The following F2RL2 variants were observed in gnomAD, a reference collection of about 807,000 sequenced individuals.
F2RL2 encodes coagulation factor II thrombin receptor like 2, also known as proteinase-activated receptor 3.
Under a neutral mutation model 4.3 loss-of-function variants are expected in F2RL2, and 4 were observed. That is an observed-to-expected ratio of 0.93 (90% CI 0.46 to 2.12). F2RL2 has a LOEUF of 2.12. Among genes scored for constraint, F2RL2 ranks in the 30% most tolerant of loss-of-function variants. The pLI, the probability that F2RL2 is intolerant of heterozygous loss-of-function variation, is 0.02. For missense variants in F2RL2, 408 were observed against 449.3 expected (o/e 0.91, Z 0.83); for synonymous variants, 166 against 170.9 (o/e 0.97, Z 0.22).
rs1320686134 is a variant in F2RL2, at chr5:76,615,811, A to G, written c.*1771T>C. 3.3e-5 allele frequency: 5 copies of G among 152,626 alleles called. No individual in the cohort carries two copies. The allele number at this position is 152,626 out of a possible 1,614,324, so 9.5% of individuals were successfully genotyped here. On this transcript the variant is annotated 3_prime_UTR_variant, in exon 2 of 2. Coordinates refer to ENST00000296641, the MANE Select transcript of F2RL2 (RefSeq NM_004101.4). ...CATTAAAAGCTATGTCTAAGAAAAAAAATAGTGGAGGCATTATTTAAAACT... is the reference window on the plus strand; with the variant it reads ...CATTAAAAGCTATGTCTAAGAAAAAGAATAGTGGAGGCATTATTTAAAACT...
chr5:76,620,926 T>G, intron 1 of F2RL2, among the ~76,000 whole-genome samples: 1 of 152,228 alleles, frequency 6.6e-6, no homozygotes, highest in Non-Finnish European at 1.5e-5. Flanking sequence ...AAACAAAATC[T>G]TAAAGCTCAA....
Position 76,617,601 on chromosome 5 carries a change from G to A in F2RL2, c.1106C>T (p.Thr369Ile), listed in dbSNP as rs1749109316. Reference protein sequence around the residue: ...FLMSKTRNHSTAYLTK With the variant: ...FLMSKTRNHSIAYLTK ...ATTTCACTATTTTGTAAGGTAAGCA[G>A]TGGAGTGATTTCTGGTTTTTGACAT... is the stretch of plus-strand genomic sequence containing the variant. Residue 369 changes from threonine to isoleucine, a missense_variant, in exon 2 of 2, where the codon ACT becomes ATT. Thr to Ile is a moderately conservative substitution (Grantham distance 89, BLOSUM62 -1). Transcript: ENST00000296641. The A allele has an allele frequency of 6.2e-7, 1 of 1,612,544 alleles. No homozygotes were observed. Among genetic ancestry groups the A allele is most frequent in the Non-Finnish European group, 8.5e-7 (1 of 1,179,302 alleles).
chr5:76,620,679 G>C (rs1171547992), intron 1 of F2RL2, among the ~76,000 whole-genome samples: 2 of 152,114 alleles, frequency 1.3e-5, no homozygotes, highest in East Asian at 3.9e-4. Context: ...GGGAGTGGTT[G>C]AGATGGCCTA....
At chr5:76,619,480 G>A (rs1325611924) in intron 1 of F2RL2, among the ~76,000 whole-genome samples, 3 of 151,346 alleles carry the variant, frequency 2.0e-5, no homozygotes, top group Non-Finnish European at 4.4e-5. Flanking sequence ...CCTAGCAAAA[G>A]GGATTTTGCA....
chr5:76,621,847 C>G (rs553121440), intron 1 of F2RL2, among the ~76,000 whole-genome samples: 2 of 152,134 alleles, frequency 1.3e-5, no homozygotes, highest in African/African-American at 4.8e-5. Flanking sequence ...AAATGTTTTT[C>G]TATCCGGGAA....
At chr5:76,620,206 G>A (rs755192877) in intron 1 of F2RL2, among the ~76,000 whole-genome samples, 1 of 152,208 alleles carries the variant, frequency 6.6e-6, no homozygotes, top group African/African-American at 2.4e-5. Flanking sequence ...AGGTAATAGT[G>A]TAGAGAACAG....
intron 1 of F2RL2, among the ~76,000 whole-genome samples, chr5:76,619,264 G>C (rs1385802637): frequency 6.6e-6 from 1 of 152,176 alleles, no homozygotes; most frequent in Non-Finnish European, 1.5e-5. Context: ...ATAAAGTGCA[G>C]CTGAGAAAGG....
At chr5:76,622,378 A>G (rs1005650187) in intron 1 of F2RL2, among the ~76,000 whole-genome samples, 54 of 152,214 alleles carry the variant, frequency 3.5e-4, no homozygotes, top group African/African-American at 1.3e-3. Context: ...CAGGGATTCC[A>G]AATGTGAATT....
chr5:76,617,018 A>G lies in F2RL2; in HGVS notation c.*564T>C, dbSNP rs961536. On this transcript the variant is annotated 3_prime_UTR_variant, in exon 2 of 2. Coordinates refer to ENST00000296641, the MANE Select transcript of F2RL2 (RefSeq NM_004101.4). ...AATGTCAAGGATGGCAATACCACTC[A>G]CAGAAATAGGGAAGATGGTGATTTA... The G allele has an allele frequency of 0.43, 65,679 of 152,526 alleles. 15,083 individuals carry two copies. Among genetic ancestry groups the G allele is most frequent in the Non-Finnish European group, 0.53 (35,854 of 68,292 alleles). 9.4% of individuals were successfully genotyped at this position (152,526 alleles called of 1,614,324 possible).
At chr5:76,619,550 T>C (rs902225400) in intron 1 of F2RL2, among the ~76,000 whole-genome samples, 1 of 139,410 alleles carries the variant, frequency 7.2e-6, no homozygotes. Context: ...ACAGTCTCAC[T>C]CTGTCGCCCA....
rs761888193 is a variant in F2RL2, at chr5:76,618,431, T to C, written c.276A>G (p.Leu92=). 1 of 1,614,150 alleles carries C rather than the reference T, an allele frequency of 6.2e-7. No individual in the cohort carries two copies. Among genetic ancestry groups the C allele is most frequent in the South Asian group, 1.1e-5 (1 of 91,074 alleles). Residue 92 remains leucine (L), a synonymous_variant, in exon 2 of 2, where the codon TTA becomes TTG. Transcript: ENST00000296641. ...AGATGGCAGGTATCAGTTTAGTACT[T>C]AAGGAGCTGGTCAGGTACCCCATGG... ...NATMGYLTSS[L]STKLIPAIYL...
At position 76,615,767 on chromosome 5, in the gene F2RL2, T is replaced by C. The variant is rs1236906531; in HGVS notation, c.*1815A>G. 1.2e-5 allele frequency: 1 copy of C among 83,636 alleles called. No homozygotes were observed. The highest frequency in any genetic ancestry group is 3.1e-5 in the Non-Finnish European group (1 of 32,584). 5.2% of individuals were successfully genotyped at this position (83,636 alleles called of 1,614,324 possible). A position where few individuals can be genotyped will look rare whatever the true frequency, so the allele number is the denominator to read the frequency against. On this transcript the variant is annotated 3_prime_UTR_variant, in exon 2 of 2. Transcript: ENST00000296641. The stretch of plus-strand genomic sequence containing the variant: ...CTTACAGGAATATAATGGGTATTAA[T>C]AACAAAATTCCATTTCCCCATTAAA...
At chr5:76,618,921 A>G (rs1479083340) in intron 1 of F2RL2, among the ~76,000 whole-genome samples, 4 of 152,366 alleles carry the variant, frequency 2.6e-5, no homozygotes, top group Admixed American at 6.5e-5. Context: ...TCAGAACATT[A>G]TAGGCATGTT....
At chr5:76,619,514 C>CCTTTTTTTTTT (rs1561518620) in intron 1 of F2RL2, among the ~76,000 whole-genome samples, 3 of 104,266 alleles carry the variant, frequency 2.9e-5, no homozygotes, top group Non-Finnish European at 1.9e-5. Flanking sequence ...TAAGGATCTT[C>CCTTTTTTTTTT]TTTTTTTTTT....
At position 76,617,964 on chromosome 5, in the gene F2RL2, A is replaced by C; in HGVS notation, c.743T>G (p.Val248Gly). ...VQPDITTCHD[V>G]HNTCESSSPF... ...AGATGAGGACTCGCAAGTGTTGTGA[A>C]CATCATGGCAGGTGGTGATGTCTGG... is the stretch of plus-strand genomic sequence containing the variant. Residue 248 changes from valine (V) to glycine (G), a missense_variant, in exon 2 of 2, where the codon GTT (valine) becomes GGT (glycine). Coordinates refer to ENST00000296641, the MANE Select transcript of F2RL2 (RefSeq NM_004101.4). The C allele has an allele frequency of 6.2e-7, 1 of 1,614,182 alleles. No homozygotes were observed. Among genetic ancestry groups the C allele is most frequent in the Non-Finnish European group, 8.5e-7 (1 of 1,180,032 alleles).
intron 1 of F2RL2, among the ~76,000 whole-genome samples, chr5:76,622,072 T>C (rs1334955320): frequency 6.6e-6 from 1 of 152,084 alleles, no homozygotes; most frequent in Non-Finnish European, 1.5e-5. Context: ...CACAACGAAA[T>C]AAGGCAGGTT....
At chr5:76,620,694 G>A (rs1265597061) in intron 1 of F2RL2, among the ~76,000 whole-genome samples, 1 of 152,144 alleles carries the variant, frequency 6.6e-6, no homozygotes, top group Non-Finnish European at 1.5e-5. Context: ...GGCCTAGGGG[G>A]AGTTATGAGA....
At position 76,618,450 on chromosome 5, in the gene F2RL2, C is replaced by T; in HGVS notation, c.257G>A (p.Gly86Glu). The T allele has an allele frequency of 1.2e-6, 2 of 1,614,072 alleles. No individual in the cohort carries two copies. Among genetic ancestry groups the T allele is most frequent in the Non-Finnish European group, 1.7e-6 (2 of 1,180,014 alleles). ...SHLHVKNATMGYLTSSLSTKL... is the reference protein window; with the variant it reads ...SHLHVKNATMEYLTSSLSTKL... The stretch of plus-strand genomic sequence containing the variant: ...AGTACTTAAGGAGCTGGTCAGGTAC[C>T]CCATGGTAGCATTTTTCACATGGAG... Residue 86 changes from glycine to glutamate, a missense_variant, in exon 2 of 2, where the codon GGG (glycine) becomes GAG (glutamate). Coordinates refer to ENST00000296641, the MANE Select transcript of F2RL2 (RefSeq NM_004101.4).
chr5:76,621,544 G>A (rs887596438), intron 1 of F2RL2, among the ~76,000 whole-genome samples: 2 of 152,160 alleles, frequency 1.3e-5, no homozygotes, highest in African/African-American at 4.8e-5. Flanking sequence ...AGAGCATGCC[G>A]TACAAGTTAT....
Sources: gnomAD v4.1 joint callset for allele counts (sites outside exome capture counted in the v4.1 genomes callset) on GRCh38, gnomAD v4.1.1 for gene constraint, MANE v1.5 for transcripts, NCBI Gene and HGNC (gene_info 2026-07-23, HGNC 2026-07-21) for gene names.